Variants in ESCO2 observed in about 807,000 individuals in gnomAD.
ESCO2 encodes the protein establishment of sister chromatid cohesion N-acetyltransferase 2, also known as N-acetyltransferase ESCO2.
Under a neutral mutation model 61.7 loss-of-function variants are expected in ESCO2, and 51 were observed. That is an observed-to-expected ratio of 0.83 (90% CI 0.66 to 1.04). The LOEUF is 1.04. Among genes scored for constraint, ESCO2 ranks in the 50% least tolerant of loss-of-function variants. The pLI, the probability that ESCO2 is intolerant of heterozygous loss-of-function variation, is 0.00. For synonymous variants in ESCO2, 230 were observed against 238.2 expected, an observed-to-expected ratio of 0.97 and a Z score of 0.32; for missense variants, 692 against 686.2, an observed-to-expected ratio of 1.01 and a Z score of -0.09.
intron 3 of ESCO2, chr8:27,777,744 A>G (rs933548621): frequency 6.6e-6 from 1 of 152,476 alleles, no homozygotes; most frequent in Non-Finnish European, 1.5e-5. Context: ...CTAGGGGCAG[A>G]AAGCCATTGA....
At chr8:27,811,188 A>C (rs1805674490), downstream of ESCO2, 1 of 1,522,964 alleles carries the variant, frequency 6.6e-7, no homozygotes. Flanking sequence ...CGAAAAGGCA[A>C]GCAACCCAAA....
chr8:27,777,170 G>A lies in ESCO2; in HGVS notation c.861+1G>A, dbSNP rs1804814100. On this transcript the variant is annotated splice_donor_variant, in intron 3 of 10. Coordinates refer to ENST00000305188, the MANE Select transcript of ESCO2 (RefSeq NM_001017420.3). LOFTEE classifies it high-confidence loss of function. The stretch of plus-strand genomic sequence containing the variant: ...TAAAAATAAAGAGAAATTAATAAAG[G>A]TAAAGCTAAATATATCACTTTAAAA... 1 of 1,599,346 alleles carries A rather than the reference G, an allele frequency of 6.3e-7. No homozygotes were observed. Among genetic ancestry groups the A allele is most frequent in the Non-Finnish European group, 8.5e-7 (1 of 1,176,142 alleles).
At chr8:27,775,813 G>A (rs928986834) in intron 2 of ESCO2, among the ~76,000 whole-genome samples, 2 of 152,164 alleles carry the variant, frequency 1.3e-5, no homozygotes, top group African/African-American at 4.8e-5. Context: ...TGACATAGAA[G>A]CAGCACATTG....
chr8:27,788,237 A>C (rs1805092259), intron 6 of ESCO2, among the ~76,000 whole-genome samples: 2 of 147,642 alleles, frequency 1.4e-5, no homozygotes, highest in Non-Finnish European at 3.0e-5. Flanking sequence ...GTTTAAAATA[A>C]TTTAATATTC....
intron 9 of ESCO2, among the ~76,000 whole-genome samples, chr8:27,798,256 G>A (rs111673499): frequency 2.4e-4 from 36 of 152,144 alleles, no homozygotes; most frequent in Middle Eastern, 3.4e-3. Context: ...GGTCAGGTTC[G>A]AGATCAGCCT....
chr8:27,799,675 G>A lies in ESCO2; in HGVS notation c.1632G>A (p.Lys544=), dbSNP rs2128957668. The A allele has an allele frequency of 1.9e-6, 3 of 1,613,922 alleles. No individual in the cohort carries two copies. Among genetic ancestry groups the A allele is most frequent in the Non-Finnish European group, 2.5e-6 (3 of 1,180,006 alleles). ...GTAGAATCTGGGTTTTCAGACTGAA[G>A]AGAAGAAAGCGCATTGCAAGACGAC... The part of the protein sequence containing the change: ...GISRIWVFRL[K]RRKRIARRLV... Residue 544 remains lysine, a synonymous_variant, in exon 10 of 11, where the codon AAG becomes AAA. Coordinates refer to ENST00000305188, the MANE Select transcript of ESCO2 (RefSeq NM_001017420.3).
intron 7 of ESCO2, 123 bp from the exon 8 acceptor site, chr8:27,791,840 C>A: frequency 1.2e-6 from 1 of 827,880 alleles, no homozygotes; most frequent in Non-Finnish European, 2.0e-6. Context: ...AGTTGGATTT[C>A]ATCTTCTTCT....
chr8:27,807,743 T>C (rs538158258), downstream of ESCO2, among the ~76,000 whole-genome samples: 1 of 152,332 alleles, frequency 6.6e-6, no homozygotes, highest in East Asian at 1.9e-4. Context: ...GGAGGTACTA[T>C]GGTCTGAATG....
At chr8:27,801,910 G>A (rs1805434140) in intron 10 of ESCO2, among the ~76,000 whole-genome samples, 1 of 146,844 alleles carries the variant, frequency 6.8e-6, no homozygotes, top group East Asian at 2.0e-4. Context: ...TTGATGTAAT[G>A]CTTTTATTTG....
At position 27,777,057 on chromosome 8, in the gene ESCO2, G is replaced by A; in HGVS notation, c.749G>A (p.Ser250Asn). 1 of 1,606,754 alleles carries A rather than the reference G, an allele frequency of 6.2e-7. No individual in the cohort carries two copies. Among genetic ancestry groups the A allele is most frequent in the South Asian group, 1.1e-5 (1 of 88,690 alleles). The change falls in exon 3 of 11, where the codon AGT becomes AAT. Residue 250 changes from serine to asparagine, a missense_variant. By Grantham distance (46) the Ser-to-Asn change is conservative (BLOSUM62 1). Transcript: ENST00000305188. ...GAAGATTCTGATGTAGAGACTGTCAGTGAAAAAAAAACTTTTGCGACAAGG... is the reference window on the plus strand; with the variant it reads ...GAAGATTCTGATGTAGAGACTGTCAATGAAAAAAAAACTTTTGCGACAAGG... The part of the protein sequence containing the change: ...VIEDSDVETV[S>N]EKKTFATRQV...
intron 9 of ESCO2, 117 bp from the exon 10 acceptor site, chr8:27,799,424 T>C: frequency 9.5e-7 from 1 of 1,050,702 alleles, no homozygotes; most frequent in Non-Finnish European, 1.5e-6. Flanking sequence ...GAAAATATTT[T>C]TTAACATACT....
chr8:27,785,727 C>G (rs78643973), intron 5 of ESCO2, among the ~76,000 whole-genome samples: 1 of 151,442 alleles, frequency 6.6e-6, no homozygotes, highest in African/African-American at 2.4e-5. Context: ...CAGTGGGATA[C>G]TATTTGTTAA....
chr8:27,811,887 G>A (rs571241384), downstream of ESCO2: 1 of 152,202 alleles, frequency 6.6e-6, no homozygotes, highest in Admixed American at 6.5e-5. Context: ...AATATTTTGG[G>A]TTTTGGTACT....
chr8:27,810,915 G>T, downstream of ESCO2: 1 of 1,216,462 alleles, frequency 8.2e-7, no homozygotes, highest in Non-Finnish European at 1.2e-6. Context: ...TCTTTAGTGT[G>T]AAATGAAGAG....
At position 27,776,444 on chromosome 8, in the gene ESCO2, A is replaced by T. The variant is rs1418251128; in HGVS notation, c.136A>T (p.Asn46Tyr). ...TCAAAACAGTGATAAAAATGAAGAA[A>T]ACCTGCATTGCTCTCAACAAGAGCA... Reference protein sequence around the residue: ...FYQNSDKNEENLHCSQQEHFV... With the variant: ...FYQNSDKNEEYLHCSQQEHFV... The change falls in exon 3 of 11, where the codon AAC becomes TAC. Residue 46 changes from asparagine to tyrosine, a missense_variant. Coordinates refer to ENST00000305188, the MANE Select transcript of ESCO2 (RefSeq NM_001017420.3). 4 of 1,607,710 alleles carry T rather than the reference A, an allele frequency of 2.5e-6. No individual in the cohort carries two copies. Among genetic ancestry groups the T allele is most frequent in the East Asian group, 2.2e-5 (1 of 44,852 alleles).
At chr8:27,788,666 A>G (rs1289838063) in intron 6 of ESCO2, among the ~76,000 whole-genome samples, 181 bp from the exon 7 acceptor site, 1 of 151,876 alleles carries the variant, frequency 6.6e-6, no homozygotes. Flanking sequence ...GCCTGATCTC[A>G]TTTCATTTTG....
chr8:27,784,152 T>G (rs1231277806), intron 5 of ESCO2, 95 bp downstream of exon 5: 1 of 1,209,432 alleles, frequency 8.3e-7, no homozygotes, highest in Non-Finnish European at 1.2e-6. Context: ...TTTGGGGAGT[T>G]TTTTTTTCTT....
At chr8:27,809,836 T>C (rs1457502626), downstream of ESCO2, 2 of 153,844 alleles carry the variant, frequency 1.3e-5, no homozygotes, top group African/African-American at 4.8e-5. Context: ...AGCTACTCTT[T>C]TTGAGGCATA....
chr8:27,802,768 T>C (rs1361762488), intron 10 of ESCO2, among the ~76,000 whole-genome samples: 6 of 142,272 alleles, frequency 4.2e-5, no homozygotes, highest in Non-Finnish European at 6.0e-5. Context: ...TTTGATTGAG[T>C]TGGAGTCTCA....
Sources: gnomAD v4.1 joint callset for allele counts (sites outside exome capture counted in the v4.1 genomes callset) on GRCh38, gnomAD v4.1.1 for gene constraint, MANE v1.5 for transcripts, NCBI Gene and HGNC (gene_info 2026-07-23, HGNC 2026-07-21) for gene names.